SH3TC2: variants seen among roughly 807,000 people sequenced by gnomAD.
The protein encoded by SH3TC2 is SH3 domain and tetratricopeptide repeat-containing protein 2.
In SH3TC2, 87 loss-of-function variants were observed where a neutral mutation model predicts 124.5. The observed-to-expected ratio is 0.70, with a 90% CI of 0.59 to 0.84. SH3TC2 has a LOEUF of 0.84. SH3TC2 is among the 40% of genes least tolerant of loss of function. The probability of loss-of-function intolerance (pLI) is 0.00; values close to 1 mark genes in which losing one functional copy is unlikely to be tolerated. For missense variants in SH3TC2, 1,536 were observed against 1,566.4 expected (o/e 0.98, Z 0.33); for synonymous variants, 634 against 628.5 (o/e 1.01, Z -0.13).
chr5:149,038,277 C>A lies in SH3TC2; in HGVS notation c.1001+18G>T, dbSNP rs1754315624. On this transcript the variant is annotated intron_variant, in intron 8 of 16. Coordinates refer to ENST00000515425, the MANE Select transcript of SH3TC2 (RefSeq NM_024577.4). Reference sequence around the variant, plus strand: ...AAAGGGAGCCCAGCTCCAGGACATGCTCACTGTCAATACTCACATTGGGGA... The same window carrying A: ...AAAGGGAGCCCAGCTCCAGGACATGATCACTGTCAATACTCACATTGGGGA... The A allele has an allele frequency of 6.2e-7, 1 of 1,611,088 alleles. No homozygotes were observed. Among genetic ancestry groups the A allele is most frequent in the African/African-American group, 1.3e-5 (1 of 74,860 alleles).
In SH3TC2 at chr5:149,038,361, G is replaced by A. The variant is rs151205080; in HGVS notation, c.935C>T (p.Ser312Leu). Residue 312 changes from serine (S) to leucine (L), a missense_variant, in exon 8 of 17, where the codon TCG becomes TTG. By Grantham distance (145) the Ser-to-Leu change is moderately radical (BLOSUM62 -2). Coordinates refer to ENST00000515425, the MANE Select transcript of SH3TC2 (RefSeq NM_024577.4). ...AAAGCCCACTTGTCCTGAACTTGTC[G>A]ACTTTCCAATGAACCACTGAAGCCC... ...IPGLQWFIGK[S>L]TSSGQVGFVP... The A allele has an allele frequency of 2.0e-5, 33 of 1,614,160 alleles. No individual in the cohort carries two copies. The highest frequency in any genetic ancestry group is 1.6e-4 in the Middle Eastern group (1 of 6,062).
rs547035706 is a variant in SH3TC2, at chr5:149,008,966, C to T, written c.3363G>A (p.Ala1121=). Residue 1121 remains alanine (A), a synonymous_variant, in exon 15 of 17, where the codon GCG becomes GCA. Coordinates refer to ENST00000515425, the MANE Select transcript of SH3TC2 (RefSeq NM_024577.4). ...TGAAAATCCGGAGCTCAGTTCTCAC[C>T]GCCTTCAACCTCCTTGCTAAAGGAA... ...GAVPLARRLK[A]VRTELRIFNK... 21 of 1,614,222 alleles carry T rather than the reference C, an allele frequency of 1.3e-5. No homozygotes were observed. Among genetic ancestry groups the T allele is most frequent in the South Asian group, 9.9e-5 (9 of 91,082 alleles).
At chr5:149,016,904 A>G (rs6893709) in intron 12 of SH3TC2, among the ~76,000 whole-genome samples, 60,299 of 148,074 alleles carry the variant, frequency 0.41, 12,598 homozygotes, top group South Asian at 0.47. Context: ...CAGCCTGGGT[A>G]ACAGGGCGAG....
intron 8 of SH3TC2, among the ~76,000 whole-genome samples, chr5:149,032,970 T>G (rs1470541364): frequency 6.6e-6 from 1 of 152,220 alleles, no homozygotes; most frequent in African/African-American, 2.4e-5. Flanking sequence ...CTGGGATAAA[T>G]TGATCCCAAA....
intron 4 of SH3TC2, among the ~76,000 whole-genome samples, chr5:149,043,201 T>C (rs940883066): frequency 2.6e-5 from 4 of 152,100 alleles, no homozygotes; most frequent in African/African-American, 9.7e-5. Context: ...CCCTTAAAGT[T>C]CTCCTGACCT....
chr5:149,005,992 T>G (rs1753681546), intron 16 of SH3TC2: 1 of 152,370 alleles, frequency 6.6e-6, no homozygotes, highest in Admixed American at 6.5e-5. Flanking sequence ...GTGGGCATAA[T>G]GGCCTACTAC....
chr5:148,995,571 C>T lies in SH3TC2; in HGVS notation c.*9140G>A, dbSNP rs529234127. Among the ~76,000 whole-genome samples the T allele has an allele frequency of 6.6e-6, 1 of 152,180 alleles. No homozygotes were observed. The highest frequency in any genetic ancestry group is 1.9e-4 in the East Asian group (1 of 5,196). ...GAATACCTGCTATATATGTGAGCAGCCCTATCACCTGATTTCTCAATCACT... is the reference window on the plus strand; with the variant it reads ...GAATACCTGCTATATATGTGAGCAGTCCTATCACCTGATTTCTCAATCACT... On this transcript the variant is annotated 3_prime_UTR_variant, in exon 17 of 17. Coordinates refer to ENST00000515425, the MANE Select transcript of SH3TC2 (RefSeq NM_024577.4).
At position 149,027,207 on chromosome 5, in the gene SH3TC2, A is replaced by G; in HGVS notation, c.2525T>C (p.Leu842Pro). 1 of 1,614,224 alleles carries G rather than the reference A, an allele frequency of 6.2e-7. No homozygotes were observed. The part of the protein sequence containing the change: ...LTQRGVIYNL[L>P]GLALQGEGRV... ...GCCTTCACCTTGGAGTGCAAGTCCC[A>G]GGAGGTTATAGATGACTCCCCTTTG... Residue 842 changes from leucine to proline, a missense_variant, in exon 11 of 17, where the codon CTG becomes CCG. Coordinates refer to ENST00000515425, the MANE Select transcript of SH3TC2 (RefSeq NM_024577.4).
Position 149,001,665 on chromosome 5 carries a change from T to C in SH3TC2, c.*3046A>G, listed in dbSNP as rs530977927. 2.4e-4 allele frequency: 36 copies of C among 152,354 alleles called. No individual in the cohort carries two copies. Among genetic ancestry groups the C allele is most frequent in the Non-Finnish European group, 4.1e-4 (28 of 68,032 alleles). 9.4% of individuals were successfully genotyped at this position (152,354 alleles called of 1,614,324 possible). On this transcript the variant is annotated 3_prime_UTR_variant, in exon 17 of 17. Coordinates refer to ENST00000515425, the MANE Select transcript of SH3TC2 (RefSeq NM_024577.4). ...ATATAGAATGTAGTAATTGCAATTA[T>C]ATAGCACAATGTTTTTCTTATTTTA...
intron 12 of SH3TC2, among the ~76,000 whole-genome samples, chr5:149,013,472 A>G (rs1284039650): frequency 6.6e-6 from 1 of 152,220 alleles, no homozygotes; most frequent in Non-Finnish European, 1.5e-5. Context: ...TAGCAGCATG[A>G]GAATGAACTA....
At chr5:149,053,476 A>G (rs2127403743) in intron 1 of SH3TC2, among the ~76,000 whole-genome samples, 1 of 152,336 alleles carries the variant, frequency 6.6e-6, no homozygotes, top group East Asian at 1.9e-4. Context: ...TTCATCCAGT[A>G]AATCTTGTTA....
rs1753451751 is a variant in SH3TC2 at position 148,993,331 on chromosome 5, ATT to A, written c.*11378_*11379del. ...AGCTAAAATTTGACCTAAATAAATT[ATT>A]GTCAATAAATTATAAGCCATCATTG... On this transcript the variant is annotated 3_prime_UTR_variant, in exon 17 of 17. Transcript: ENST00000515425. Among the ~76,000 whole-genome samples, 1 of 152,206 alleles carries A rather than the reference ATT, an allele frequency of 6.6e-6. No individual in the cohort carries two copies. The highest frequency in any genetic ancestry group is 6.5e-5 in the Admixed American group (1 of 15,268).
rs1165015754 is a variant in SH3TC2 at position 148,987,684 on chromosome 5, G to A, written c.*17027C>T. Among the ~76,000 whole-genome samples the A allele has an allele frequency of 2.0e-5, 3 of 152,184 alleles. No individual in the cohort carries two copies. The highest frequency in any genetic ancestry group is 2.0e-4 in the Admixed American group (3 of 15,284). On this transcript the variant is annotated 3_prime_UTR_variant, in exon 17 of 17. Transcript: ENST00000515425. ...AGGGAAACCTTATAACGAGTGTGGT[G>A]GAGTGATTCAGTGAAGATCATCAGA...
chr5:149,038,432 A>G lies in SH3TC2; in HGVS notation c.864T>C (p.Asn288=). 6.2e-7 allele frequency: 1 copy of G among 1,614,162 alleles called. No individual in the cohort carries two copies. Among genetic ancestry groups the G allele is most frequent in the East Asian group, 2.2e-5 (1 of 44,880 alleles). Residue 288 remains asparagine, a synonymous_variant, in exon 8 of 17, where the codon AAT becomes AAC. Coordinates refer to ENST00000515425, the MANE Select transcript of SH3TC2 (RefSeq NM_024577.4). ...TCTCAATGCTTTCTCCCTGGTAGAA[A>G]TTCAGTTCATCCTTTTCTCCTGGCT... ...GYEPGEKDEL[N]FYQGESIEII...
At chr5:149,019,333 A>C (rs1485655315) in intron 12 of SH3TC2, among the ~76,000 whole-genome samples, 3 of 151,854 alleles carry the variant, frequency 2.0e-5, no homozygotes, top group African/African-American at 7.3e-5. Context: ...TGATTTATAC[A>C]TGCTAAATAA....
chr5:149,028,199 C>A lies in SH3TC2; in HGVS notation c.1533G>T (p.Leu511=), dbSNP rs555436987. 1 of 1,614,102 alleles carries A rather than the reference C, an allele frequency of 6.2e-7. No homozygotes were observed. The highest frequency in any genetic ancestry group is 2.2e-5 in the East Asian group (1 of 44,876). ...TCTTGGCCCACTTTCTTGATGCCTCCAGGTAGGCCACAAACTCATCCTCCT... is the reference window on the plus strand; with the variant it reads ...TCTTGGCCCACTTTCTTGATGCCTCAAGGTAGGCCACAAACTCATCCTCCT... ...FSEEDEFVAY[L]EASRKWAKKS... Residue 511 remains leucine, a synonymous_variant, in exon 11 of 17, where the codon CTG becomes CTT. Transcript: ENST00000515425.
At chr5:149,053,965 A>T (rs1249675668) in intron 1 of SH3TC2, among the ~76,000 whole-genome samples, 1 of 152,214 alleles carries the variant, frequency 6.6e-6, no homozygotes, top group African/African-American at 2.4e-5. Context: ...AATAAATAAG[A>T]TCTAATGTTT....
At chr5:149,041,754 A>G in intron 5 of SH3TC2, 137 bp from the exon 6 acceptor site, 1 of 929,888 alleles carries the variant, frequency 1.1e-6, no homozygotes, top group Non-Finnish European at 1.7e-6. Flanking sequence ...CACAGGGGAG[A>G]CACTAAAAGA....
chr5:149,012,047 G>T (rs2127393247), intron 13 of SH3TC2, among the ~76,000 whole-genome samples: 1 of 152,248 alleles, frequency 6.6e-6, no homozygotes, highest in Non-Finnish European at 1.5e-5. Context: ...CATATGGCAA[G>T]CCCAAAGTCA....
Sources: allele counts gnomAD v4.1 joint callset (sites outside exome capture counted in the v4.1 genomes callset), GRCh38; gene constraint gnomAD v4.1.1; transcripts MANE v1.5; gene names NCBI Gene and HGNC (gene_info 2026-07-23, HGNC 2026-07-21).